Variants in ORC6 observed in about 807,000 individuals in gnomAD.
ORC6 encodes origin recognition complex, subunit 6 homolog-like (yeast).
ORC6 carries 31 observed loss-of-function variants against 30.0 expected under a neutral mutation model. That is an observed-to-expected ratio of 1.03 (90% confidence interval 0.78 to 1.40). ORC6 has a LOEUF of 1.40. Among genes scored for constraint, ORC6 ranks in the 40% most tolerant of loss-of-function variants. ORC6 has a pLI of 0.00. For missense variants in ORC6, 340 were observed against 304.3 expected (o/e 1.12, Z -0.87); for synonymous variants, 136 against 111.2 (o/e 1.22, Z -1.40).
Position 46,692,422 on chromosome 16 carries a change from A to G in ORC6, c.236A>G (p.Tyr79Cys), listed in dbSNP as rs1567273845. 6.2e-7 allele frequency: 1 copy of G among 1,613,838 alleles called. No individual in the cohort carries two copies. Among genetic ancestry groups the G allele is most frequent in the East Asian group, 2.2e-5 (1 of 44,866 alleles). ...IKLSGLNKET[Y>C]QSCLKSFECL... ...CTTTCTGGTTTGAACAAGGAGACAT[A>G]TCAGAGCTGTCTTAAATCTTTTGAG... Residue 79 changes from tyrosine (Y) to cysteine (C), a missense_variant, in exon 3 of 7, where the codon TAT (tyrosine) becomes TGT (cysteine). Transcript: ENST00000219097.
intron 1 of ORC6, 114 bp downstream of exon 1, chr16:46,689,884 T>G: frequency 7.1e-7 from 1 of 1,407,028 alleles, no homozygotes. Context: ...CGGGGAGCGC[T>G]GGGGCCGGGC....
At chr16:46,697,279 AT>A (rs1462151487) in intron 6 of ORC6, among the ~76,000 whole-genome samples, 178 bp from the exon 7 acceptor site, 1 of 152,164 alleles carries the variant, frequency 6.6e-6, no homozygotes, top group Admixed American at 6.5e-5. Flanking sequence ...GAACCTAGGA[AT>A]TTGAGTGCAG....
chr16:46,696,353 C>T (rs1394902173), intron 6 of ORC6: 3 of 501,310 alleles, frequency 6.0e-6, no homozygotes, highest in Admixed American at 3.2e-5. Flanking sequence ...CCCATGAGTG[C>T]GAGACCAGCC....
In ORC6 at chr16:46,697,654, C is replaced by T. The variant is rs1478917440; in HGVS notation, c.*69C>T. On this transcript the variant is annotated 3_prime_UTR_variant, in exon 7 of 7. Transcript: ENST00000219097. ...TGCCATCTCCAGGAAGACTTGACGG[C>T]TTTGGGATTTTGTTTAAACTTTTAT... is the stretch of plus-strand genomic sequence containing the variant. 6.6e-6 allele frequency: 10 copies of T among 1,516,450 alleles called. No homozygotes were observed. Among genetic ancestry groups the T allele is most frequent in the Middle Eastern group, 1.7e-4 (1 of 5,890 alleles). 93.9% of individuals were successfully genotyped at this position (1,516,450 alleles called of 1,614,324 possible). A position where few individuals can be genotyped will look rare whatever the true frequency, so the allele number is the denominator to read the frequency against.
rs762791509 is a variant in ORC6, at chr16:46,691,076, T to A, written c.151T>A (p.Cys51Ser). 1 of 1,614,230 alleles carries A rather than the reference T, an allele frequency of 6.2e-7. No homozygotes were observed. Among genetic ancestry groups the A allele is most frequent in the Non-Finnish European group, 8.5e-7 (1 of 1,180,014 alleles). The part of the protein sequence containing the change: ...RTTETSSAVM[C>S]LDLAASWMKC... ...CACGGAGACCAGCAGTGCAGTCATG[T>A]GCCTGGACCTTGCAGCTTCCTGGAT... is the stretch of plus-strand genomic sequence containing the variant. The change falls in exon 2 of 7, where the codon TGC (cysteine) becomes AGC (serine). Residue 51 changes from cysteine to serine, a missense_variant. Physicochemically the swap from Cys to Ser is moderately radical, Grantham distance 112. Transcript: ENST00000219097.
rs1966546890 is a variant in ORC6, at chr16:46,698,371, TAATA to T, written c.*790_*793del. On this transcript the variant is annotated 3_prime_UTR_variant, in exon 7 of 7. Coordinates refer to ENST00000219097, the MANE Select transcript of ORC6 (RefSeq NM_014321.4). ...AATCAATATATTGTACAGCCTAAGT[TAATA>T]AATGTTATTTATATATGCATTCAAG... is the stretch of plus-strand genomic sequence containing the variant. The T allele has an allele frequency of 1.0e-5, 4 of 394,992 alleles. No homozygotes were observed. The highest frequency in any genetic ancestry group is 2.9e-5 in the Admixed American group (1 of 34,436). The allele number at this position is 394,992 out of a possible 1,614,324, so 24.5% of individuals were successfully genotyped here.
At chr16:46,691,958 A>ACACACACACACACACTCTCTCT in intron 2 of ORC6, among the ~76,000 whole-genome samples, 34 of 36,660 alleles carry the variant, frequency 9.3e-4, no homozygotes, top group African/African-American at 3.3e-3. Flanking sequence ...ACACACACAC[A>ACACACACACACACACTCTCTCT]CTCTCTCTCT....
Position 46,690,742 on chromosome 16 carries a change from A to G in ORC6, c.66-249A>G, listed in dbSNP as rs778119046. The G allele has an allele frequency of 5.6e-6, 3 of 536,704 alleles. No homozygotes were observed. In the South Asian group the frequency reaches 5.6e-5, roughly 10 times the overall value. The allele number at this position is 536,704 out of a possible 1,614,324, so 33.2% of individuals were successfully genotyped here. A position where few individuals can be genotyped will look rare whatever the true frequency, so the allele number is the denominator to read the frequency against. On this transcript the variant is annotated intron_variant, in intron 1 of 6. Transcript: ENST00000219097. ...CTTGTTCCAGTAATGGAAGGAGGAA[A>G]GAAGGGTAATTTTTTTGTCAAAATT...
At chr16:46,692,603 C>T in intron 3 of ORC6, 58 bp downstream of exon 3, 1 of 1,470,664 alleles carries the variant, frequency 6.8e-7, no homozygotes, top group Non-Finnish European at 9.4e-7. Flanking sequence ...GGCGTGGTGG[C>T]TCACGCCTGT....
rs769240274 is a variant in ORC6 at position 46,692,362 on chromosome 16, A to G, written c.196-20A>G. 4.4e-6 allele frequency: 7 copies of G among 1,598,804 alleles called. No homozygotes were observed. The highest frequency in any genetic ancestry group is 1.3e-5 in the African/African-American group (1 of 74,614). ...AACTTAAGGTTTTTATGATTTGTGT[A>G]TGTGTTTTTCCTTTCACAGGCTTAT... On this transcript the variant is annotated intron_variant, in intron 2 of 6. Coordinates refer to ENST00000219097, the MANE Select transcript of ORC6 (RefSeq NM_014321.4).
At position 46,689,721 on chromosome 16, in the gene ORC6, A is replaced by T. The variant is rs1168743060; in HGVS notation, c.16A>T (p.Ile6Phe). 1.2e-6 allele frequency: 2 copies of T among 1,602,144 alleles called. No individual in the cohort carries two copies. The highest frequency in any genetic ancestry group is 1.7e-6 in the Non-Finnish European group (2 of 1,174,712). The change falls in exon 1 of 7, where the codon ATC becomes TTC. Residue 6 changes from isoleucine (I) to phenylalanine (F), a missense_variant. Physicochemically the swap from Ile to Phe is conservative, Grantham distance 21. Transcript: ENST00000219097. Reference protein sequence around the residue: MGSELIGRLAPRLGLA... With the variant: MGSELFGRLAPRLGLA... ...TGCCGGCGCCATGGGGTCGGAGCTG[A>T]TCGGGCGCCTAGCCCCGCGCCTGGG...
At position 46,691,170 on chromosome 16, in the gene ORC6, T is replaced by C; in HGVS notation, c.195+50T>C. 5 of 1,598,364 alleles carry C rather than the reference T, an allele frequency of 3.1e-6. No homozygotes were observed. In the South Asian group the frequency reaches 5.5e-5, roughly 18 times the overall value. On this transcript the variant is annotated intron_variant, in intron 2 of 6. Coordinates refer to ENST00000219097, the MANE Select transcript of ORC6 (RefSeq NM_014321.4). ...GAATAATCCAGTGCAACATTGAAGC[T>C]CTTTTAACTTTTGGTTGAACTAAAC...
chr16:46,694,114 GCCCTTAATCCATTTAAC>G (rs1966487057), intron 4 of ORC6: 1 of 38,782 alleles, frequency 2.6e-5, no homozygotes, highest in Admixed American at 3.1e-4. Context: ...ATCTTGCACC[GCCCTTAATCCATTTAAC>G]CCTGAGTGGA....
rs772792453 is a variant in ORC6, at chr16:46,689,779, G to A, written c.65+9G>A. 8.2e-6 allele frequency: 13 copies of A among 1,587,680 alleles called. No homozygotes were observed. The highest frequency in any genetic ancestry group is 1.8e-5 in the Admixed American group (1 of 56,712). ...GAGCCCGACATGCTGAGGTGAGTTCGGCCGCGCAAGACCAGGGCTGGGCTT... is the reference window on the plus strand; with the variant it reads ...GAGCCCGACATGCTGAGGTGAGTTCAGCCGCGCAAGACCAGGGCTGGGCTT... On this transcript the variant is annotated intron_variant, in intron 1 of 6. Transcript: ENST00000219097.
rs941346442 is a variant in ORC6, at chr16:46,698,066, G to A, written c.*481G>A. 2.4e-6 allele frequency: 1 copy of A among 421,622 alleles called. No individual in the cohort carries two copies. Among genetic ancestry groups the A allele is most frequent in the African/African-American group, 2.0e-5 (1 of 49,108 alleles). The allele number at this position is 421,622 out of a possible 1,614,324, so 26.1% of individuals were successfully genotyped here. A position where few individuals can be genotyped will look rare whatever the true frequency, so the allele number is the denominator to read the frequency against. On this transcript the variant is annotated 3_prime_UTR_variant, in exon 7 of 7. Coordinates refer to ENST00000219097, the MANE Select transcript of ORC6 (RefSeq NM_014321.4). ...GGAGGCAGAGGTTGCAGTGAGCCGA[G>A]ATTGCACCACCGCACTCCAGCCTGG... is the stretch of plus-strand genomic sequence containing the variant.
chr16:46,696,228 T>A, intron 6 of ORC6, 143 bp downstream of exon 6: 2 of 704,700 alleles, frequency 2.8e-6, no homozygotes, highest in Non-Finnish European at 5.2e-6. Context: ...TTCCAAGCAA[T>A]CAGTAATGGA....
At chr16:46,691,974 T>TCTCTCTCTCTCTCTCTCTCTCTCA (rs1198359001) in intron 2 of ORC6, among the ~76,000 whole-genome samples, 1 of 146,686 alleles carries the variant, frequency 6.8e-6, no homozygotes, top group Non-Finnish European at 1.5e-5. Context: ...TCTCTCTCTC[T>TCTCTCTCTCTCTCTCTCTCTCTCA]CTCTCTCACC....
intron 6 of ORC6, 51 bp downstream of exon 6, chr16:46,696,136 C>A: frequency 7.9e-7 from 1 of 1,262,042 alleles, no homozygotes; most frequent in Non-Finnish European, 1.2e-6. Context: ...CAGTGAACAG[C>A]CCAGTGCTGC....
Position 46,689,664 on chromosome 16 carries a change from C to T in ORC6, c.-42C>T. The T allele has an allele frequency of 6.3e-7, 1 of 1,576,858 alleles. No individual in the cohort carries two copies. Among genetic ancestry groups the T allele is most frequent in the East Asian group, 2.3e-5 (1 of 43,468 alleles). ...AGCCTTTGCGCGCGGGTTTCGTTGA[C>T]CCGCGGCGTTCACGGGAATTGTTCG... On this transcript the variant is annotated 5_prime_UTR_variant, in exon 1 of 7. Coordinates refer to ENST00000219097, the MANE Select transcript of ORC6 (RefSeq NM_014321.4).
Sources: gnomAD v4.1 joint callset for allele counts (sites outside exome capture counted in the v4.1 genomes callset) on GRCh38, gnomAD v4.1.1 for gene constraint, MANE v1.5 for transcripts, NCBI Gene and HGNC (gene_info 2026-07-23, HGNC 2026-07-21) for gene names.